Variants in STON2 observed in about 807,000 individuals in gnomAD.
STON2 encodes stonin-2.
STON2 carries 29 observed loss-of-function variants against 65.7 expected under a neutral mutation model. The observed-to-expected ratio is 0.44, with a 90% CI of 0.33 to 0.60. STON2 has a LOEUF of 0.60. Among genes scored for constraint, STON2 ranks in the 20% least tolerant of loss-of-function variants. The probability of loss-of-function intolerance (pLI) is 0.03; values close to 1 mark genes in which losing one functional copy is unlikely to be tolerated. For missense variants in STON2, 1,054 were observed against 1,118.1 expected (o/e 0.94, Z 0.82); for synonymous variants, 404 against 414.2 (o/e 0.98, Z 0.30).
At chr14:81,416,771 A>C (rs1168108199) in intron 2 of STON2, among the ~76,000 whole-genome samples, 1 of 152,216 alleles carries the variant, frequency 6.6e-6, no homozygotes, top group Admixed American at 6.5e-5. Context: ...ACCATAGGAA[A>C]ACCATATCGA....
rs150481796 is a variant in STON2 at position 81,420,235 on chromosome 14, T to C, written c.-199+6867A>G. Reference sequence around the variant, plus strand: ...CCAGAGACAGGTAGGGCTAAGAGGGTTTGAGATGTGCCTAAGAGATGGCCA... The same window carrying C: ...CCAGAGACAGGTAGGGCTAAGAGGGCTTGAGATGTGCCTAAGAGATGGCCA... On this transcript the variant is annotated intron_variant, in intron 2 of 8. Coordinates refer to the STON2 transcript ENST00000553821. Among the ~76,000 whole-genome samples the C allele has an allele frequency of 8.0e-3, 1,223 of 152,154 alleles. 14 individuals are homozygous for C. Among genetic ancestry groups the C allele is most frequent in the African/African-American group, 0.028 (1,146 of 41,518 alleles).
rs145738528 is a variant in STON2 at position 81,408,879 on chromosome 14, T to C, written c.-198-10299A>G. On this transcript the variant is annotated intron_variant, in intron 2 of 8. Coordinates refer to the STON2 transcript ENST00000553821. ...ATGGCTCTGGTAGGAGGTCAGGCTTTAAAGTTTGCAAAACATTTTCCAGTT... is the reference window on the plus strand; with the variant it reads ...ATGGCTCTGGTAGGAGGTCAGGCTTCAAAGTTTGCAAAACATTTTCCAGTT... 4.4e-4 allele frequency among the ~76,000 whole-genome samples: 67 copies of C among 152,366 alleles called. No homozygotes were observed. In the East Asian group the frequency reaches 0.012, roughly 28 times the overall value.
At chr14:81,273,735 C>T (rs1314940535) in intron 6 of STON2, among the ~76,000 whole-genome samples, 2 of 152,096 alleles carry the variant, frequency 1.3e-5, no homozygotes, top group African/African-American at 4.8e-5. Flanking sequence ...CTAGGGATGC[C>T]AGCAACACAA....
intron 1 of STON2, among the ~76,000 whole-genome samples, chr14:81,399,906 C>T (rs1184610738): frequency 6.6e-6 from 1 of 152,054 alleles, no homozygotes; most frequent in African/African-American, 2.4e-5. Flanking sequence ...AAAGAATAAT[C>T]AAGTAAAAGC....
At chr14:81,291,683 T>G (rs772844092) in intron 5 of STON2, among the ~76,000 whole-genome samples, 24 of 152,108 alleles carry the variant, frequency 1.6e-4, no homozygotes, top group Non-Finnish European at 3.1e-4. Context: ...AATAAACTAA[T>G]AAATTTATTA....
At chr14:81,298,412 G>A (rs1357003678) in intron 5 of STON2, among the ~76,000 whole-genome samples, 1 of 32,326 alleles carries the variant, frequency 3.1e-5, no homozygotes, top group Non-Finnish European at 7.0e-5. Context: ...AACTGCTTCA[G>A]ATGGGGGGGG....
At position 81,267,624 on chromosome 14, in the gene STON2, T is replaced by C. The variant is rs1894407199; in HGVS notation, c.*790A>G. The C allele has an allele frequency of 1.0e-6, 1 of 985,364 alleles. No homozygotes were observed. 61.0% of individuals were successfully genotyped at this position (985,364 alleles called of 1,614,324 possible). ...AATCTACCTCTTGAACTGAACATCA[T>C]CTTATATTTAATGTCTCTTTTCTCC... On this transcript the variant is annotated 3_prime_UTR_variant, in exon 8 of 8. Coordinates refer to ENST00000614646, the MANE Select transcript of STON2 (RefSeq NM_001394390.1).
At chr14:81,358,339 G>A (rs926255520) in intron 4 of STON2, among the ~76,000 whole-genome samples, 6 of 152,042 alleles carry the variant, frequency 3.9e-5, no homozygotes, top group African/African-American at 1.2e-4. Flanking sequence ...ACTTGAAATA[G>A]GCGATCTGAT....
intron 3 of STON2, among the ~76,000 whole-genome samples, chr14:81,382,666 A>G (rs993238155): frequency 6.6e-6 from 1 of 152,202 alleles, no homozygotes; most frequent in Non-Finnish European, 1.5e-5. Flanking sequence ...GCTGTTCTTT[A>G]TAATCTAATA....
intron 4 of STON2, among the ~76,000 whole-genome samples, chr14:81,331,501 GA>G (rs1424567287): frequency 6.6e-6 from 1 of 152,156 alleles, no homozygotes; most frequent in East Asian, 1.9e-4. Flanking sequence ...ATACTACTGG[GA>G]GGGGGGGTAC....
rs1161157573 is a variant in STON2, at chr14:81,410,278, C to CAA, written c.-198-11700_-198-11699dup. Among the ~76,000 whole-genome samples the CAA allele has an allele frequency of 3.1e-3, 141 of 45,792 alleles. 15 individuals carry two copies. The highest frequency in any genetic ancestry group is 3.5e-3 in the Non-Finnish European group (72 of 20,604). The allele number at this position is 45,792 out of a possible 152,430, so 30.0% of individuals were successfully genotyped here. A position where few individuals can be genotyped will look rare whatever the true frequency, so the allele number is the denominator to read the frequency against. The stretch of plus-strand genomic sequence containing the variant: ...GCATGCAGATGAATGTAACTCTAAC[C>CAA]AAAAAAAAAAAAAAAAAAAAAAAAA... On this transcript the variant is annotated intron_variant, in intron 2 of 8. Transcript: ENST00000553821.
intron 4 of STON2, among the ~76,000 whole-genome samples, chr14:81,347,941 T>C (rs1897881540): frequency 1.5e-5 from 2 of 135,488 alleles, no homozygotes; most frequent in South Asian, 4.7e-4. Flanking sequence ...AAAGTAGGAG[T>C]AATCCCAGGG....
intron 3 of STON2, among the ~76,000 whole-genome samples, chr14:81,387,523 T>C (rs931810310): frequency 6.6e-6 from 1 of 152,148 alleles, no homozygotes; most frequent in Non-Finnish European, 1.5e-5. Flanking sequence ...TATGATTCCA[T>C]ATGCTTCTTC....
chr14:81,334,232 G>C (rs1305844870), intron 4 of STON2, among the ~76,000 whole-genome samples: 1 of 152,242 alleles, frequency 6.6e-6, no homozygotes, highest in Non-Finnish European at 1.5e-5. Flanking sequence ...TCTGCCAGAA[G>C]TGCTGAGTGC....
chr14:81,339,477 G>T (rs2140287700), intron 4 of STON2, among the ~76,000 whole-genome samples: 1 of 152,076 alleles, frequency 6.6e-6, no homozygotes, highest in East Asian at 1.9e-4. Context: ...CATCACTGTG[G>T]GAAAGAACCA....
chr14:81,267,323 C>A lies in STON2; in HGVS notation c.*1091G>T. 2.0e-6 allele frequency: 2 copies of A among 985,256 alleles called. No individual in the cohort carries two copies. Among genetic ancestry groups the A allele is most frequent in the Non-Finnish European group, 2.4e-6 (2 of 829,812 alleles). 61.0% of individuals were successfully genotyped at this position (985,256 alleles called of 1,614,324 possible). On this transcript the variant is annotated 3_prime_UTR_variant, in exon 8 of 8. Coordinates refer to ENST00000614646, the MANE Select transcript of STON2 (RefSeq NM_001394390.1). ...TTTCCACGTCTCTACCCTAGAGATG[C>A]CTTTTCAATCCAATCCAATACTGTG...
Position 81,262,836 on chromosome 14 carries a change from T to C in STON2, c.*5578A>G, listed in dbSNP as rs563116955. ...ATATTACTAATACATACATTTGTTT[T>C]CTACATTTGTGGTTGCCTTATACAT... On this transcript the variant is annotated 3_prime_UTR_variant, in exon 8 of 8. Transcript: ENST00000614646. The C allele has an allele frequency of 2.0e-6, 2 of 985,294 alleles. No individual in the cohort carries two copies. Among genetic ancestry groups the C allele is most frequent in the Admixed American group, 6.1e-5 (1 of 16,294 alleles). 61.0% of individuals were successfully genotyped at this position (985,294 alleles called of 1,614,324 possible).
At chr14:81,408,973 T>C (rs2139851064) in intron 2 of STON2, among the ~76,000 whole-genome samples, 1 of 152,356 alleles carries the variant, frequency 6.6e-6, no homozygotes, top group South Asian at 2.1e-4. Flanking sequence ...CTCCACTTCA[T>C]ATTTTTTTTG....
At chr14:81,398,105 G>C (rs1393644345) in intron 2 of STON2, among the ~76,000 whole-genome samples, 190 bp downstream of exon 2, 1 of 152,084 alleles carries the variant, frequency 6.6e-6, no homozygotes, top group East Asian at 1.9e-4. Context: ...GGGCCCTAAG[G>C]TTCCCAAGAT....
Sources: gnomAD v4.1 joint callset for allele counts (sites outside exome capture counted in the v4.1 genomes callset) on GRCh38, gnomAD v4.1.1 for gene constraint, MANE v1.5 for transcripts, NCBI Gene and HGNC (gene_info 2026-07-23, HGNC 2026-07-21) for gene names.